The following OPHN1 variants were observed in gnomAD, a reference collection of about 807,000 sequenced individuals.
OPHN1 encodes the protein oligophrenin-1.
In OPHN1, 11 loss-of-function variants were observed where a neutral mutation model predicts 60.7. The observed-to-expected ratio is 0.18, with a 90% CI of 0.11 to 0.30. The LOEUF (loss-of-function observed/expected upper bound fraction) is 0.30, where lower values mean the gene tolerates loss of function less well. Ranked by LOEUF, OPHN1 falls within the 10% of genes least tolerant of loss-of-function variation. The pLI is 1.00. For missense variants in OPHN1, 449 were observed against 611.0 expected (o/e 0.73, Z 2.80); for synonymous variants, 226 against 222.6 (o/e 1.02, Z -0.14).
intron 2 of OPHN1, among the ~76,000 whole-genome samples, chrX:68,416,033 AATATATATATATATATATATAT>A (rs1163304135): frequency 3.0e-4 from 9 of 29,769 alleles, no homozygotes; most frequent in Non-Finnish European, 4.8e-4. Context: ...AAAATTATAT[AATATATATATATATATATATAT>A]ATATATATAT....
chrX:68,235,446 G>A (rs1478683920), intron 5 of OPHN1, among the ~76,000 whole-genome samples: 5 of 110,923 alleles, frequency 4.5e-5, no homozygotes, highest in African/African-American at 9.8e-5. Flanking sequence ...GGGGACACAC[G>A]GATCAAAGAA....
At chrX:68,277,109 C>T (rs2077995275) in intron 4 of OPHN1, among the ~76,000 whole-genome samples, 1 of 111,879 alleles carries the variant, frequency 8.9e-6, no homozygotes, top group African/African-American at 3.2e-5. Context: ...CTTTTTGGCA[C>T]CAGGGAGCAG....
intron 2 of OPHN1, among the ~76,000 whole-genome samples, chrX:68,312,198 A>C (rs2078177148): frequency 1.1e-5 from 1 of 93,443 alleles, no homozygotes; most frequent in African/African-American, 4.0e-5. Context: ...CAATCCTCCC[A>C]CCTCAGCCTC....
chrX:68,316,864 G>A (rs753357970), intron 2 of OPHN1, among the ~76,000 whole-genome samples: 3 of 111,925 alleles, frequency 2.7e-5, no homozygotes, highest in African/African-American at 9.7e-5. Context: ...AAATTTAAGT[G>A]AGTAGAATGT....
In OPHN1 at chrX:68,229,768, A is replaced by T. The variant is rs866113239; in HGVS notation, c.486+4719T>A. ...ACCTTATACAAAAATTAATTCAAGA[A>T]GGATTAAAGACTTAAATGTTAGACC... On this transcript the variant is annotated intron_variant, in intron 6 of 24. Transcript: ENST00000355520. 7.9e-4 allele frequency among the ~76,000 whole-genome samples: 89 copies of T among 112,251 alleles called. 1 individual carries two copies. Among genetic ancestry groups the T allele is most frequent in the Middle Eastern group, 4.6e-3 (1 of 219 alleles).
Position 68,109,311 on chromosome X carries a change from T to C in OPHN1, c.1526+2543A>G, listed in dbSNP as rs73212841. ...TCTTGTTTTTTTTCACTTAGCATAA[T>C]GCTTTTAGTGTTTATCCATGTTGTG... On this transcript the variant is annotated intron_variant, in intron 18 of 24. Coordinates refer to ENST00000355520, the MANE Select transcript of OPHN1 (RefSeq NM_002547.3). Among the ~76,000 whole-genome samples the C allele has an allele frequency of 6.2e-3, 698 of 111,879 alleles. 2 individuals carry two copies. The highest frequency in any genetic ancestry group is 9.3e-3 in the Middle Eastern group (2 of 216).
At chrX:68,173,153 A>T (rs2077398913) in intron 15 of OPHN1, among the ~76,000 whole-genome samples, 1 of 111,006 alleles carries the variant, frequency 9.0e-6, no homozygotes. Flanking sequence ...CTGCTTTGGT[A>T]ACATACTGGA....
intron 18 of OPHN1, among the ~76,000 whole-genome samples, chrX:68,099,327 T>C (rs1211077796): frequency 8.9e-6 from 1 of 111,794 alleles, no homozygotes; most frequent in African/African-American, 3.3e-5. Context: ...TCTAGTCCAC[T>C]GAGGTTGGTT....
At chrX:68,131,406 G>A (rs2077194283) in intron 15 of OPHN1, among the ~76,000 whole-genome samples, 1 of 109,497 alleles carries the variant, frequency 9.1e-6, no homozygotes, top group Admixed American at 9.8e-5. Context: ...AGTGGAGACG[G>A]GGTTTCACCA....
intron 2 of OPHN1, among the ~76,000 whole-genome samples, chrX:68,332,380 T>C (rs2078300139): frequency 9.0e-6 from 1 of 111,444 alleles, no homozygotes; most frequent in Non-Finnish European, 1.9e-5. Context: ...TGCCAGTGCT[T>C]ATTGCTTGCT....
chrX:68,071,676 T>C (rs1176404953), intron 20 of OPHN1: 1 of 536,105 alleles, frequency 1.9e-6, no homozygotes, highest in African/African-American at 2.3e-5. Flanking sequence ...TATCTGGTTA[T>C]TCTACACAGG....
chrX:68,416,061 TATATATAGAG>T (rs1388734206), intron 2 of OPHN1, among the ~76,000 whole-genome samples: 88 of 6,256 alleles, frequency 0.014, no homozygotes, highest in African/African-American at 0.02. Flanking sequence ...TATATATATA[TATATATAGAG>T]AGAGAGAGAG....
intron 2 of OPHN1, among the ~76,000 whole-genome samples, chrX:68,423,185 C>G: frequency 9.0e-6 from 1 of 110,937 alleles, no homozygotes; most frequent in East Asian, 2.9e-4. Context: ...ACCACCACGC[C>G]CAGCTAATAT....
intron 2 of OPHN1, among the ~76,000 whole-genome samples, chrX:68,349,296 CAT>C (rs1393605716): frequency 9.0e-5 from 10 of 111,691 alleles, no homozygotes; most frequent in Admixed American, 5.7e-4. Flanking sequence ...AGCCAACAGA[CAT>C]ATGAAAAAAT....
chrX:68,348,037 CA>C (rs1472077268), intron 2 of OPHN1, among the ~76,000 whole-genome samples: 2 of 111,876 alleles, frequency 1.8e-5, no homozygotes, highest in African/African-American at 6.5e-5. Flanking sequence ...TCAGTAAGAA[CA>C]AAAGGCTAGG....
intron 15 of OPHN1, among the ~76,000 whole-genome samples, chrX:68,136,554 C>T (rs1294744796): frequency 9.0e-6 from 1 of 110,931 alleles, no homozygotes; most frequent in Non-Finnish European, 1.9e-5. Flanking sequence ...CCGCCCGCCT[C>T]AGCCTCCCAA....
chrX:68,157,950 T>C (rs2077317159), intron 15 of OPHN1, among the ~76,000 whole-genome samples: 1 of 111,674 alleles, frequency 9.0e-6, no homozygotes, highest in Non-Finnish European at 1.9e-5. Flanking sequence ...CTTTTCTTTT[T>C]TTTCTTTTTT....
intron 5 of OPHN1, among the ~76,000 whole-genome samples, chrX:68,236,957 T>C (rs1436447824): frequency 8.9e-6 from 1 of 112,281 alleles, no homozygotes. Context: ...CACCACACTA[T>C]CTTGATTACT....
In OPHN1 at chrX:68,234,477, G is replaced by A. The variant is rs777180338; in HGVS notation, c.486+10C>T. On this transcript the variant is annotated intron_variant, in intron 6 of 24. Transcript: ENST00000355520. The stretch of plus-strand genomic sequence containing the variant: ...GCAATGGAAGGCAGGGGCAGGCTTT[G>A]TGAACATACCTCTTGTAACTGAGAT... The A allele has an allele frequency of 1.7e-6, 2 of 1,169,715 alleles. No homozygotes were observed. Among genetic ancestry groups the A allele is most frequent in the African/African-American group, 1.8e-5 (1 of 56,455 alleles).
Sources: allele counts gnomAD v4.1 joint callset (sites outside exome capture counted in the v4.1 genomes callset), GRCh38; gene constraint gnomAD v4.1.1; transcripts MANE v1.5; gene names NCBI Gene and HGNC (gene_info 2026-07-23, HGNC 2026-07-21).